The following TRAFD1 variants were observed in gnomAD, a reference collection of about 807,000 sequenced individuals.
TRAFD1 encodes the protein TRAF-type zinc finger domain-containing protein 1.
TRAFD1 carries 38 observed loss-of-function variants against 65.3 expected under a neutral mutation model. The ratio of observed to expected loss-of-function variants is 0.58; its 90% confidence interval spans 0.45 to 0.76. The LOEUF is 0.76. Ranked by LOEUF, TRAFD1 falls within the 30% of genes least tolerant of loss-of-function variation. The pLI is 0.00. For synonymous variants in TRAFD1, 223 were observed against 257.2 expected (o/e 0.87, Z 1.27); for missense variants, 631 against 712.6 (o/e 0.89, Z 1.30).
At chr12:112,129,078 G>A (rs1421306049) in intron 1 of TRAFD1, among the ~76,000 whole-genome samples, 4 of 144,738 alleles carry the variant, frequency 2.8e-5, no homozygotes, top group Admixed American at 6.9e-5. Flanking sequence ...GGTCATGAAA[G>A]AGAAGGAAAG....
chr12:112,143,723 G>A (rs916085962), intron 6 of TRAFD1, among the ~76,000 whole-genome samples: 13 of 144,946 alleles, frequency 9.0e-5, no homozygotes, highest in South Asian at 4.3e-4. Flanking sequence ...TACAGTTCCC[G>A]CTTTGGTTTT....
intron 9 of TRAFD1, among the ~76,000 whole-genome samples, chr12:112,150,416 A>T (rs2030368287): frequency 1.3e-5 from 2 of 151,336 alleles, no homozygotes; most frequent in African/African-American, 4.9e-5. Flanking sequence ...CACCCAACTA[A>T]TTTTTTTGTT....
chr12:112,129,495 C>T (rs1237592329), intron 1 of TRAFD1, among the ~76,000 whole-genome samples: 1 of 151,950 alleles, frequency 6.6e-6, no homozygotes, highest in Non-Finnish European at 1.5e-5. Context: ...AGCCCCTGTG[C>T]CTGACTTGTT....
chr12:112,149,722 A>G (rs1194484768), intron 8 of TRAFD1, 29 bp from the exon 9 acceptor site: 23 of 1,613,368 alleles, frequency 1.4e-5, no homozygotes, highest in Non-Finnish European at 1.9e-5. Context: ...CTCAATTCAG[A>G]GGTACTAATT....
Position 112,152,729 on chromosome 12 carries a change from C to A in TRAFD1, c.1693-6C>A. 1 of 1,614,174 alleles carries A rather than the reference C, an allele frequency of 6.2e-7. No individual in the cohort carries two copies. ...AAAGCTTCGTTTGTGTTGTGTTGTT[C>A]ACCAGGCAAAGCCTTCCAAGCAACA... On this transcript the variant is annotated splice_region_variant and splice_polypyrimidine_tract_variant and intron_variant, in intron 11 of 11. Coordinates refer to ENST00000412615, the MANE Select transcript of TRAFD1 (RefSeq NM_006700.3). This position sits in a 1 kb window ranked among gnomAD's most constrained non-coding sequence, Gnocchi z 5.0.
intron 4 of TRAFD1, among the ~76,000 whole-genome samples, chr12:112,135,679 T>C (rs1246258154): frequency 1.3e-5 from 2 of 151,534 alleles, no homozygotes; most frequent in African/African-American, 2.4e-5. Context: ...AGTGCTGGGA[T>C]TACAGGCGTG....
In TRAFD1 at chr12:112,149,838, C is replaced by T. The variant is rs1192875074; in HGVS notation, c.1246C>T (p.Pro416Ser). ...GGATTCCCAGCCTCAAGAGACCTCA[C>T]CAGAGCTGCCCAGGAGGCGTGTCAG... ...RLDSQPQETS[P>S]ELPRRRVRHQ... The change falls in exon 9 of 12, where the codon CCA (proline) becomes TCA (serine). Residue 416 changes from proline (P) to serine (S), a missense_variant. By Grantham distance (74) the Pro-to-Ser change is moderately conservative (BLOSUM62 -1). Transcript: ENST00000412615. The T allele has an allele frequency of 1.9e-6, 3 of 1,614,072 alleles. No homozygotes were observed. The highest frequency in any genetic ancestry group is 2.7e-5 in the African/African-American group (2 of 74,926).
intron 6 of TRAFD1, among the ~76,000 whole-genome samples, chr12:112,144,462 G>A (rs1368597089): frequency 6.6e-6 from 1 of 151,984 alleles, no homozygotes; most frequent in Non-Finnish European, 1.5e-5. Flanking sequence ...GTAGAGACAG[G>A]GTTTTACCGT....
At chr12:112,143,318 A>G (rs1415259970) in intron 6 of TRAFD1, among the ~76,000 whole-genome samples, 1 of 152,142 alleles carries the variant, frequency 6.6e-6, no homozygotes, top group African/African-American at 2.4e-5. Flanking sequence ...TGACCTCGTG[A>G]TCCGCCTGCC....
At chr12:112,148,745 T>A (rs1230154876) in intron 8 of TRAFD1, among the ~76,000 whole-genome samples, 1 of 152,162 alleles carries the variant, frequency 6.6e-6, no homozygotes, top group Non-Finnish European at 1.5e-5. Context: ...CTAGACAATA[T>A]GAAGTCATTT....
chr12:112,135,874 G>A (rs1445063843), intron 4 of TRAFD1, among the ~76,000 whole-genome samples: 4 of 148,964 alleles, frequency 2.7e-5, no homozygotes, highest in Non-Finnish European at 5.9e-5. Context: ...TGGGCATGGT[G>A]GCTCATGCCT....
intron 5 of TRAFD1, 57 bp downstream of exon 5, chr12:112,141,281 G>A: frequency 6.3e-7 from 1 of 1,579,972 alleles, no homozygotes; most frequent in Non-Finnish European, 8.6e-7. Flanking sequence ...AAGGCAAATG[G>A]GAACAGGGCT....
chr12:112,148,079 CT>C lies in TRAFD1; in HGVS notation c.934del (p.Cys312ValfsTer39). ...CTATATTTTTTGAATGACAGACAAG[CT>C]GTAACCCTTCACGTGCCTTACCTTC... is the stretch of plus-strand genomic sequence containing the variant. ...EELLIDHQTS[C>X]NPSRALPSLN... On this transcript the variant is annotated frameshift_variant, in exon 8 of 12. Coordinates refer to ENST00000412615, the MANE Select transcript of TRAFD1 (RefSeq NM_006700.3). LOFTEE classifies it high-confidence loss of function. 1 of 1,613,874 alleles carries C rather than the reference CT, an allele frequency of 6.2e-7. No individual in the cohort carries two copies. The highest frequency in any genetic ancestry group is 8.5e-7 in the Non-Finnish European group (1 of 1,179,780).
chr12:112,150,473 T>C (rs1272508966), intron 9 of TRAFD1, among the ~76,000 whole-genome samples: 1 of 152,164 alleles, frequency 6.6e-6, no homozygotes, highest in Non-Finnish European at 1.5e-5. Flanking sequence ...GATTTCGAAC[T>C]CTTGGCCTCA....
At chr12:112,146,224 G>GC (rs1197676313) in intron 7 of TRAFD1, among the ~76,000 whole-genome samples, 2 of 90,388 alleles carry the variant, frequency 2.2e-5, no homozygotes, top group East Asian at 8.2e-4. Flanking sequence ...TGAAATAACA[G>GC]CAAAAAAAAA....
rs777790200 is a variant in TRAFD1, at chr12:112,152,425, A to G, written c.1620-2A>G. The G allele has an allele frequency of 3.7e-6, 6 of 1,612,616 alleles. No individual in the cohort carries two copies. In the East Asian group the frequency reaches 1.3e-4, roughly 36 times the overall value. ...AGCTAGTTTCTAATTGTTTTCTTTCAGTGGTAGGAGTGAAGGTGGCAGGAA... is the reference window on the plus strand; with the variant it reads ...AGCTAGTTTCTAATTGTTTTCTTTCGGTGGTAGGAGTGAAGGTGGCAGGAA... On this transcript the variant is annotated splice_acceptor_variant, in intron 10 of 11. Coordinates refer to ENST00000412615, the MANE Select transcript of TRAFD1 (RefSeq NM_006700.3). LOFTEE classifies it high-confidence loss of function. This position sits in a 1 kb window ranked among gnomAD's most constrained non-coding sequence, Gnocchi z 5.0.
chr12:112,141,812 A>G, intron 5 of TRAFD1: 1 of 363,112 alleles, frequency 2.8e-6, no homozygotes, highest in Non-Finnish European at 5.1e-6. Context: ...AATTCAGAAA[A>G]TAAGTATAAA....
In TRAFD1 at chr12:112,142,213, T is replaced by G. The variant is rs77125209; in HGVS notation, c.768T>G (p.Ser256Arg). ...LSLQNEGQAS[S>R]VAEQDFWRAV... ...TGCAAAATGAAGGCCAAGCCTCCAG[T>G]GTGGCAGAGCAGGACTTCTGGAGGG... is the stretch of plus-strand genomic sequence containing the variant. The change falls in exon 6 of 12, where the codon AGT becomes AGG. Residue 256 changes from serine to arginine, a missense_variant. Transcript: ENST00000412615. 1.5e-3 allele frequency: 2,391 copies of G among 1,613,934 alleles called. 30 individuals carry two copies. In the African/African-American group the frequency reaches 0.029, roughly 20 times the overall value.
intron 4 of TRAFD1, among the ~76,000 whole-genome samples, chr12:112,138,275 G>T (rs1301753686): frequency 6.6e-6 from 1 of 152,058 alleles, no homozygotes; most frequent in Non-Finnish European, 1.5e-5. Flanking sequence ...GGTAGGCCAG[G>T]CGCAATGACT....
Sources: allele counts gnomAD v4.1 joint callset (sites outside exome capture counted in the v4.1 genomes callset), GRCh38; gene constraint gnomAD v4.1.1; non-coding constraint Gnocchi (gnomAD v3.1); transcripts MANE v1.5; gene names NCBI Gene and HGNC (gene_info 2026-07-23, HGNC 2026-07-21).